Variants in ANKS1B observed in about 807,000 individuals in gnomAD.
ANKS1B encodes the protein ankyrin repeat and sterile alpha motif domain-containing protein 1B.
A neutral mutation model predicts 148.3 loss-of-function variants in ANKS1B; 36 were observed. The ratio of observed to expected loss-of-function variants is 0.24; its 90% confidence interval spans 0.19 to 0.32. ANKS1B has a LOEUF of 0.32. Ranked by LOEUF, ANKS1B falls within the 10% of genes least tolerant of loss-of-function variation. The pLI, the probability that ANKS1B is intolerant of heterozygous loss-of-function variation, is 1.00. For synonymous variants in ANKS1B, 542 were observed against 560.8 expected (o/e 0.97, Z 0.47); for missense variants, 1,157 against 1,542.6 (o/e 0.75, Z 4.19).
intron 22 of ANKS1B, among the ~76,000 whole-genome samples, chr12:98,792,301 A>T (rs544177623): frequency 6.6e-6 from 1 of 152,228 alleles, no homozygotes; most frequent in South Asian, 2.1e-4. Flanking sequence ...TTTGGGGAGG[A>T]TTATTTTTTA....
At chr12:99,928,700 G>T (rs935579117) in intron 1 of ANKS1B, among the ~76,000 whole-genome samples, 1 of 152,194 alleles carries the variant, frequency 6.6e-6, no homozygotes, top group African/African-American at 2.4e-5. Flanking sequence ...TGAATAAGCA[G>T]AAAGTAAGAG....
At chr12:99,864,161 G>A (rs901473244) in intron 1 of ANKS1B, among the ~76,000 whole-genome samples, 14 of 150,396 alleles carry the variant, frequency 9.3e-5, no homozygotes, top group Admixed American at 7.9e-4. Flanking sequence ...GGATTACCCA[G>A]GCCTCTCACT....
intron 9 of ANKS1B, among the ~76,000 whole-genome samples, chr12:99,597,865 T>C (rs1038610022): frequency 1.3e-5 from 2 of 152,064 alleles, no homozygotes; most frequent in African/African-American, 4.8e-5. Context: ...TCTATACCTC[T>C]TGACCTCTAT....
chr12:99,386,979 G>A (rs1313497553), intron 12 of ANKS1B, among the ~76,000 whole-genome samples: 1 of 152,138 alleles, frequency 6.6e-6, no homozygotes, highest in Non-Finnish European at 1.5e-5. Context: ...GCCATTTATT[G>A]AGCACCTATT....
intron 4 of ANKS1B, among the ~76,000 whole-genome samples, chr12:99,799,762 G>A (rs532020970): frequency 7.7e-4 from 117 of 152,256 alleles, no homozygotes; most frequent in South Asian, 1.2e-3. Flanking sequence ...TAAGGCAGAG[G>A]CCTGGAGGTA....
At chr12:99,931,402 C>T (rs917080579) in intron 1 of ANKS1B, among the ~76,000 whole-genome samples, 1 of 152,004 alleles carries the variant, frequency 6.6e-6, no homozygotes, top group Admixed American at 6.6e-5. Flanking sequence ...AAAGGGTACA[C>T]ATGCTGATAG....
intron 17 of ANKS1B, among the ~76,000 whole-genome samples, chr12:98,962,339 G>T (rs1476602081): frequency 6.7e-6 from 1 of 150,114 alleles, no homozygotes; most frequent in Non-Finnish European, 1.5e-5. Context: ...AGACAAAGAA[G>T]GTCCATATAT....
intron 12 of ANKS1B, among the ~76,000 whole-genome samples, chr12:99,361,285 A>G (rs1355486947): frequency 6.6e-6 from 1 of 152,102 alleles, no homozygotes; most frequent in African/African-American, 2.4e-5. Flanking sequence ...AATAAAAAAA[A>G]TTAAAATATT....
At chr12:99,296,312 T>C (rs1314932291) in intron 12 of ANKS1B, among the ~76,000 whole-genome samples, 1 of 152,232 alleles carries the variant, frequency 6.6e-6, no homozygotes, top group Admixed American at 6.5e-5. Flanking sequence ...TTATTCTGCA[T>C]TTCCATATGA....
At chr12:99,838,168 A>C (rs1178042427) in intron 1 of ANKS1B, among the ~76,000 whole-genome samples, 2 of 152,118 alleles carry the variant, frequency 1.3e-5, no homozygotes, top group Non-Finnish European at 2.9e-5. Flanking sequence ...TCTTCATCCA[A>C]TCATCTGTTG....
At chr12:98,842,033 G>A (rs2099409491) in intron 17 of ANKS1B, among the ~76,000 whole-genome samples, 1 of 152,130 alleles carries the variant, frequency 6.6e-6, no homozygotes, top group South Asian at 2.1e-4. Flanking sequence ...TTTTGACCCA[G>A]TTTTCTAACA....
intron 13 of ANKS1B, among the ~76,000 whole-genome samples, chr12:99,245,404 T>C (rs1440801996): frequency 6.6e-6 from 1 of 152,162 alleles, no homozygotes; most frequent in Non-Finnish European, 1.5e-5. Context: ...CTATAGCAAT[T>C]TATGGCTTAA....
intron 8 of ANKS1B, among the ~76,000 whole-genome samples, chr12:99,670,659 A>C (rs1448003798): frequency 3.3e-5 from 5 of 152,140 alleles, no homozygotes; most frequent in African/African-American, 7.2e-5. Flanking sequence ...CAAAATTATA[A>C]GCATTACAGA....
At position 99,486,034 on chromosome 12, in the gene ANKS1B, A is replaced by T. The variant is rs544836802; in HGVS notation, c.1438+18442T>A. 3.9e-5 allele frequency among the ~76,000 whole-genome samples: 6 copies of T among 152,270 alleles called. No individual in the cohort carries two copies. In the East Asian group the frequency reaches 9.6e-4, roughly 24 times the overall value. ...GAATTACTTATGTGGCATTTCAAAG[A>T]TTTCATCTTGGTTTGGATCCATTGC... is the stretch of plus-strand genomic sequence containing the variant. On this transcript the variant is annotated intron_variant, in intron 10 of 26. Coordinates refer to ENST00000683438, the MANE Select transcript of ANKS1B (RefSeq NM_001352186.2).
At chr12:99,461,557 TA>T (rs1243215365) in intron 10 of ANKS1B, among the ~76,000 whole-genome samples, 3 of 152,226 alleles carry the variant, frequency 2.0e-5, no homozygotes, top group Non-Finnish European at 4.4e-5. Context: ...CACACTCATT[TA>T]AAAATGAGTC....
chr12:99,825,234 G>C, intron 2 of ANKS1B, 75 bp downstream of exon 2: 1 of 1,248,308 alleles, frequency 8.0e-7, no homozygotes, highest in Non-Finnish European at 1.1e-6. Flanking sequence ...CATGAGAAAG[G>C]TATCGTCAAG....
chr12:99,602,636 G>A (rs1031325291), intron 9 of ANKS1B, among the ~76,000 whole-genome samples: 25 of 152,026 alleles, frequency 1.6e-4, no homozygotes, highest in Non-Finnish European at 1.3e-4. Context: ...CATGAAGGTT[G>A]TTCATACAAA....
chr12:98,891,706 A>G (rs2099753102), intron 17 of ANKS1B, among the ~76,000 whole-genome samples: 1 of 152,202 alleles, frequency 6.6e-6, no homozygotes, highest in African/African-American at 2.4e-5. Context: ...TACATATAAT[A>G]GCCAATGTAA....
At chr12:99,933,094 G>C (rs2094666375) in intron 1 of ANKS1B, among the ~76,000 whole-genome samples, 1 of 151,950 alleles carries the variant, frequency 6.6e-6, no homozygotes, top group African/African-American at 2.4e-5. Flanking sequence ...TTTGTTTCTG[G>C]GTTCTCTATT....
Sources: gnomAD v4.1 joint callset for allele counts (sites outside exome capture counted in the v4.1 genomes callset) on GRCh38, gnomAD v4.1.1 for gene constraint, MANE v1.5 for transcripts, NCBI Gene and HGNC (gene_info 2026-07-23, HGNC 2026-07-21) for gene names.